Variants in CAST observed in about 807,000 individuals in gnomAD.
CAST encodes calpastatin.
Under a neutral mutation model 119.6 loss-of-function variants are expected in CAST, and 76 were observed. The ratio of observed to expected loss-of-function variants is 0.64; its 90% CI spans 0.53 to 0.77. The LOEUF (loss-of-function observed/expected upper bound fraction) is 0.77, where lower values mean the gene tolerates loss of function less well. CAST is among the 30% of genes least tolerant of loss of function. The pLI, the probability that CAST is intolerant of heterozygous loss-of-function variation, is 0.00. For synonymous variants in CAST, 319 were observed against 331.6 expected (o/e 0.96, Z 0.41); for missense variants, 953 against 946.5 (o/e 1.01, Z -0.09).
At chr5:96,546,127 C>T (rs1311974113) in intron 1 of CAST, 1 of 152,222 alleles carries the variant, frequency 6.6e-6, no homozygotes, top group Non-Finnish European at 1.5e-5. Flanking sequence ...AGGGTTACCT[C>T]TGAGTGTGAC....
intron 10 of CAST, among the ~76,000 whole-genome samples, chr5:96,737,159 A>T (rs1446014607): frequency 1.3e-5 from 2 of 152,150 alleles, no homozygotes. Flanking sequence ...ACACATGGGG[A>T]TTACAATTGG....
intron 1 of CAST, among the ~76,000 whole-genome samples, chr5:96,588,216 T>TGTG (rs1746894217): frequency 7.2e-6 from 1 of 138,280 alleles, no homozygotes; most frequent in African/African-American, 2.7e-5. Context: ...TTTTTTTTTT[T>TGTG]TTTTGAGATG....
chr5:96,363,325 T>C, the CAST span, among the ~76,000 whole-genome samples: 2 of 149,386 alleles, frequency 1.3e-5, no homozygotes, highest in Non-Finnish European at 3.0e-5. Flanking sequence ...TGGGCTCTTT[T>C]TTGGTTCCAT....
the CAST span, among the ~76,000 whole-genome samples, chr5:96,315,966 A>C: frequency 6.6e-6 from 1 of 152,084 alleles, no homozygotes; most frequent in Admixed American, 6.6e-5. Flanking sequence ...CATTCAGACC[A>C]CCTAAGGGTT....
At chr5:96,087,745 A>G in the CAST span, among the ~76,000 whole-genome samples, 1 of 152,206 alleles carries the variant, frequency 6.6e-6, no homozygotes, top group African/African-American at 2.4e-5. Flanking sequence ...AGAGGAGTAG[A>G]GCTAACGATG....
chr5:96,668,805 C>T (rs1749671956), intron 1 of CAST, among the ~76,000 whole-genome samples: 1 of 119,424 alleles, frequency 8.4e-6, no homozygotes, highest in Admixed American at 8.1e-5. Context: ...ATTGGTTACC[C>T]AGGTAAAAAA....
intron 1 of CAST, among the ~76,000 whole-genome samples, chr5:96,556,097 C>G (rs1280108620): frequency 1.3e-5 from 2 of 152,210 alleles, no homozygotes; most frequent in South Asian, 2.1e-4. Flanking sequence ...CCCAGGCAAA[C>G]AGGGTCTGGA....
At chr5:96,124,438 C>G in the CAST span, among the ~76,000 whole-genome samples, 1 of 152,286 alleles carries the variant, frequency 6.6e-6, no homozygotes, top group African/African-American at 2.4e-5. Context: ...TCTAAATGAT[C>G]TAACCTAAAA....
the CAST span, among the ~76,000 whole-genome samples, chr5:96,339,622 G>C: frequency 1.1e-4 from 16 of 152,164 alleles, no homozygotes; most frequent in African/African-American, 3.4e-4. Context: ...AAGTGACAAG[G>C]ACACCTAACA....
the CAST span, among the ~76,000 whole-genome samples, chr5:96,018,069 A>G: frequency 1.3e-5 from 2 of 152,178 alleles, no homozygotes; most frequent in Non-Finnish European, 2.9e-5. Flanking sequence ...GTAGTTATCT[A>G]TGCTCTTAAT....
chr5:96,273,943 G>T, the CAST span, among the ~76,000 whole-genome samples: 2 of 152,064 alleles, frequency 1.3e-5, no homozygotes, highest in Non-Finnish European at 2.9e-5. Context: ...TTGCCGTTTT[G>T]GAGTTGCCTT....
At chr5:96,022,038 A>T in the CAST span, among the ~76,000 whole-genome samples, 1 of 152,222 alleles carries the variant, frequency 6.6e-6, no homozygotes, top group Non-Finnish European at 1.5e-5. Flanking sequence ...CAGTTTAATA[A>T]TTATTTACAT....
chr5:96,739,145 A>G (rs1762209681), intron 11 of CAST, among the ~76,000 whole-genome samples: 2 of 152,170 alleles, frequency 1.3e-5, no homozygotes, highest in Admixed American at 6.5e-5. Flanking sequence ...CAGAAGAAAC[A>G]CTGCTTTGCA....
chr5:96,179,115 T>G, the CAST span, among the ~76,000 whole-genome samples: 1 of 152,198 alleles, frequency 6.6e-6, no homozygotes, highest in African/African-American at 2.4e-5. Context: ...TCCTCTCCTT[T>G]ACAAATAAGC....
intron 1 of CAST, among the ~76,000 whole-genome samples, chr5:96,673,812 T>G (rs752894789): frequency 7.9e-5 from 12 of 152,240 alleles, no homozygotes; most frequent in Admixed American, 3.3e-4. Context: ...AAAGATTCAT[T>G]TAATTATTCA....
the CAST span, among the ~76,000 whole-genome samples, chr5:95,987,447 A>G: frequency 6.6e-6 from 1 of 152,160 alleles, no homozygotes; most frequent in Non-Finnish European, 1.5e-5. Flanking sequence ...GGAGATATGC[A>G]CGTGCCTAGG....
intron 1 of CAST, among the ~76,000 whole-genome samples, chr5:96,584,046 C>T (rs898049878): frequency 3.3e-5 from 5 of 152,084 alleles, no homozygotes; most frequent in African/African-American, 9.7e-5. Context: ...TATGGAATTC[C>T]GATGATCCCT....
the CAST span, among the ~76,000 whole-genome samples, chr5:96,042,743 C>T: frequency 6.6e-6 from 1 of 152,148 alleles, no homozygotes; most frequent in African/African-American, 2.4e-5. Context: ...CTGCTTCTCA[C>T]TTGCGAATCC....
chr5:96,333,616 G>A, the CAST span, among the ~76,000 whole-genome samples: 3 of 152,182 alleles, frequency 2.0e-5, no homozygotes, highest in African/African-American at 7.2e-5. Context: ...TCTTCCTGCT[G>A]TTGGAGGTCA....
Sources: allele counts gnomAD v4.1 joint callset (sites outside exome capture counted in the v4.1 genomes callset), GRCh38; gene constraint gnomAD v4.1.1; transcripts MANE v1.5; gene names NCBI Gene and HGNC (gene_info 2026-07-23, HGNC 2026-07-21).